RERE: variants seen among roughly 807,000 people sequenced by gnomAD.
The protein encoded by RERE is arginine-glutamic acid dipeptide repeats.
In RERE, 40 loss-of-function variants were observed where a neutral mutation model predicts 146.1. The ratio of observed to expected loss-of-function variants is 0.27; its 90% confidence interval spans 0.21 to 0.36. The LOEUF is 0.36. RERE is among the 10% of genes least tolerant of loss of function. The pLI is 1.00. For synonymous variants in RERE, 1,003 were observed against 866.0 expected (o/e 1.16, Z -2.78); for missense variants, 1,933 against 2,138.7 (o/e 0.90, Z 1.90).
At chr1:8,516,220 C>T (rs12037002) in intron 7 of RERE, among the ~76,000 whole-genome samples, 2 of 48,710 alleles carry the variant, frequency 4.1e-5, no homozygotes, top group Non-Finnish European at 6.6e-5. Context: ...GCAAGACTCT[C>T]TCAGAGGAAA....
At chr1:8,612,726 T>C (rs374812308) in intron 4 of RERE, among the ~76,000 whole-genome samples, 2 of 152,200 alleles carry the variant, frequency 1.3e-5, no homozygotes, top group African/African-American at 4.8e-5. Context: ...AAGTAAAACC[T>C]ACTTTTTAGA....
At chr1:8,373,059 G>C (rs1642102120) in intron 12 of RERE, among the ~76,000 whole-genome samples, 1 of 152,242 alleles carries the variant, frequency 6.6e-6, no homozygotes, top group African/African-American at 2.4e-5. Context: ...CAGCTGAGCA[G>C]ACTGTAGTTA....
Position 8,359,757 on chromosome 1 carries a change from G to T in RERE, c.3618+7C>A, listed in dbSNP as rs1367978209. 3.8e-6 allele frequency: 6 copies of T among 1,599,136 alleles called. No homozygotes were observed. The East Asian group carries it at 1.3e-4, about 36-fold the overall frequency. On this transcript the variant is annotated splice_region_variant and intron_variant, in intron 19 of 22. Transcript: ENST00000400908. ...CCCCCGTCACACCTCGCCAACCCTG[G>T]ACTCACAGCCGCCCGCTCTGCCTCG...
chr1:8,534,939 A>G (rs1252763240), intron 7 of RERE, among the ~76,000 whole-genome samples: 5 of 152,178 alleles, frequency 3.3e-5, no homozygotes, highest in Admixed American at 1.3e-4. Flanking sequence ...GAAACACCAT[A>G]AATGCAAACT....
chr1:8,814,361 A>G (rs745712913), intron 1 of RERE, among the ~76,000 whole-genome samples: 1 of 152,246 alleles, frequency 6.6e-6, no homozygotes, highest in Non-Finnish European at 1.5e-5. Context: ...TAAGCAGATT[A>G]TCTCTGAAAC....
intron 4 of RERE, among the ~76,000 whole-genome samples, chr1:8,564,396 G>A (rs948447355): frequency 6.6e-6 from 1 of 152,106 alleles, no homozygotes. Context: ...CATAGCCTGA[G>A]GGTAATTATA....
At chr1:8,598,653 T>G (rs1318218) in intron 4 of RERE, among the ~76,000 whole-genome samples, 1 of 151,984 alleles carries the variant, frequency 6.6e-6, no homozygotes, top group Non-Finnish European at 1.5e-5. Flanking sequence ...CTCTGTCTCT[T>G]TCTGTCCTTT....
intron 1 of RERE, among the ~76,000 whole-genome samples, chr1:8,816,516 C>A (rs1216873346): frequency 6.6e-6 from 1 of 152,168 alleles, no homozygotes; most frequent in Non-Finnish European, 1.5e-5. Flanking sequence ...AGGAAGCCTG[C>A]AACACTTTTC....
chr1:8,603,577 T>G (rs1646660169), intron 4 of RERE, among the ~76,000 whole-genome samples: 1 of 152,254 alleles, frequency 6.6e-6, no homozygotes, highest in Non-Finnish European at 1.5e-5. Flanking sequence ...GAAATTAATT[T>G]ATAAACTGCC....
At chr1:8,693,074 T>C (rs1301490129) in intron 1 of RERE, among the ~76,000 whole-genome samples, 1 of 152,086 alleles carries the variant, frequency 6.6e-6, no homozygotes, top group Non-Finnish European at 1.5e-5. Flanking sequence ...AGGGCTAAAA[T>C]CCACTACACT....
intron 7 of RERE, among the ~76,000 whole-genome samples, chr1:8,516,227 G>GAAAAA (rs58064164): frequency 0.019 from 976 of 52,266 alleles, 93 homozygotes; most frequent in African/African-American, 0.076. Context: ...TCTCTCAGAG[G>GAAAAA]AAAAAAAAAA....
chr1:8,757,404 C>T (rs1640664411), intron 1 of RERE, among the ~76,000 whole-genome samples: 1 of 152,152 alleles, frequency 6.6e-6, no homozygotes, highest in African/African-American at 2.4e-5. Context: ...AATGAATGAA[C>T]CACATGGGCT....
At chr1:8,369,367 TAACATTGAAATC>T (rs1452747000) in intron 12 of RERE, among the ~76,000 whole-genome samples, 2 of 151,882 alleles carry the variant, frequency 1.3e-5, no homozygotes, top group African/African-American at 4.8e-5. Flanking sequence ...GAAAGAAATC[TAACATTGAAATC>T]AACATCAACT....
At chr1:8,616,600 C>T (rs1188062223) in intron 3 of RERE, among the ~76,000 whole-genome samples, 1 of 152,040 alleles carries the variant, frequency 6.6e-6, no homozygotes, top group Non-Finnish European at 1.5e-5. Context: ...AAAAATTTCA[C>T]ATATAGATAA....
chr1:8,446,870 G>C (rs1284867841), intron 11 of RERE, among the ~76,000 whole-genome samples: 1 of 151,434 alleles, frequency 6.6e-6, no homozygotes, highest in Non-Finnish European at 1.5e-5. Flanking sequence ...TAGTAGAGAC[G>C]GGGTTTCACC....
intron 8 of RERE, among the ~76,000 whole-genome samples, chr1:8,505,742 G>A (rs978456831): frequency 3.9e-5 from 6 of 152,120 alleles, no homozygotes; most frequent in Non-Finnish European, 7.4e-5. Flanking sequence ...TGTTGCCCAG[G>A]CTGGTCTCGA....
At chr1:8,453,167 T>C (rs867262194) in intron 11 of RERE, among the ~76,000 whole-genome samples, 3 of 152,112 alleles carry the variant, frequency 2.0e-5, no homozygotes, top group African/African-American at 7.2e-5. Context: ...TGCTCTGGGG[T>C]CATAAACTTG....
intron 7 of RERE, among the ~76,000 whole-genome samples, chr1:8,535,532 C>T (rs556186519): frequency 6.6e-6 from 1 of 152,180 alleles, no homozygotes; most frequent in Non-Finnish European, 1.5e-5. Flanking sequence ...AGGTCTTCTA[C>T]TCTACTTACA....
intron 2 of RERE, among the ~76,000 whole-genome samples, chr1:8,633,476 C>CAA (rs1491538627): frequency 6.7e-6 from 1 of 150,278 alleles, no homozygotes; most frequent in South Asian, 2.1e-4. Flanking sequence ...CACACACACA[C>CAA]AAAAATGTAC....
Sources: gnomAD v4.1 joint callset for allele counts (sites outside exome capture counted in the v4.1 genomes callset) on GRCh38, gnomAD v4.1.1 for gene constraint, MANE v1.5 for transcripts, NCBI Gene and HGNC (gene_info 2026-07-23, HGNC 2026-07-21) for gene names.